Variants in NRXN1 observed in about 807,000 individuals in gnomAD.
The protein encoded by NRXN1 is neurexin 1.
In NRXN1, 39 loss-of-function variants were observed where a neutral mutation model predicts 150.9. The ratio of observed to expected loss-of-function variants is 0.26; its 90% CI spans 0.20 to 0.34. The LOEUF is 0.34. NRXN1 is among the 10% of genes least tolerant of loss of function. The pLI is 1.00. For missense variants in NRXN1, 1,815 were observed against 1,949.9 expected (o/e 0.93, Z 1.30); for synonymous variants, 924 against 757.0 (o/e 1.22, Z -3.62).
intron 18 of NRXN1, among the ~76,000 whole-genome samples, chr2:50,182,867 G>T (rs2060824785): frequency 6.6e-6 from 1 of 152,022 alleles, no homozygotes; most frequent in East Asian, 1.9e-4. Flanking sequence ...ATTCATTGTG[G>T]AGAAAAAGTT....
At chr2:50,337,379 C>T (rs2077264919) in intron 17 of NRXN1, among the ~76,000 whole-genome samples, 1 of 152,106 alleles carries the variant, frequency 6.6e-6, no homozygotes, top group Non-Finnish European at 1.5e-5. Context: ...GCCACCGCAC[C>T]TGGCCAAAAG....
intron 17 of NRXN1, among the ~76,000 whole-genome samples, chr2:50,290,020 T>C (rs544873758): frequency 6.6e-6 from 1 of 152,266 alleles, no homozygotes; most frequent in South Asian, 2.1e-4. Context: ...TAGAATCCAA[T>C]TAAGCAAGAC....
chr2:50,478,638 T>C (rs977121841), intron 15 of NRXN1, among the ~76,000 whole-genome samples: 3 of 152,240 alleles, frequency 2.0e-5, no homozygotes, highest in East Asian at 1.9e-4. Context: ...TTTTTGCTTC[T>C]GTAGGAAATA....
chr2:50,803,764 TAAAC>T (rs1218497857), intron 5 of NRXN1, among the ~76,000 whole-genome samples: 1 of 152,208 alleles, frequency 6.6e-6, no homozygotes, highest in Non-Finnish European at 1.5e-5. Flanking sequence ...TTCAAGATCA[TAAAC>T]AAAATGTTGG....
chr2:50,055,784 T>C (rs963110348), intron 19 of NRXN1, among the ~76,000 whole-genome samples: 10 of 152,168 alleles, frequency 6.6e-5, no homozygotes, highest in African/African-American at 1.2e-4. Context: ...AAAATAATTA[T>C]ATGTATGTTT....
At chr2:50,523,606 A>G (rs116415514) in intron 12 of NRXN1, among the ~76,000 whole-genome samples, 4,572 of 152,274 alleles carry the variant, frequency 0.03, 107 homozygotes, top group Non-Finnish European at 0.051. Context: ...ATTTTTATCT[A>G]CATAAAAATT....
chr2:50,259,653 T>G (rs2068052689), intron 17 of NRXN1, among the ~76,000 whole-genome samples: 1 of 151,884 alleles, frequency 6.6e-6, no homozygotes, highest in South Asian at 2.1e-4. Context: ...ATTCTCCAAA[T>G]GTAATATTTA....
chr2:50,500,325 C>A (rs934594209), intron 13 of NRXN1, among the ~76,000 whole-genome samples: 2 of 151,720 alleles, frequency 1.3e-5, no homozygotes, highest in African/African-American at 4.8e-5. Flanking sequence ...AGCATTGAAG[C>A]AACTATGGCC....
intron 8 of NRXN1, chr2:50,615,443 C>G (rs948788863): frequency 1.3e-5 from 2 of 152,128 alleles, no homozygotes; most frequent in African/African-American, 4.8e-5. Context: ...AATGTTCACT[C>G]TGCAGGAGGG....
At chr2:50,380,737 A>C (rs12474009) in intron 17 of NRXN1, among the ~76,000 whole-genome samples, 36,822 of 151,992 alleles carry the variant, frequency 0.24, 4,896 homozygotes, top group East Asian at 0.37. Flanking sequence ...TTAATAATAA[A>C]AGCCACCCGT....
chr2:50,602,648 T>C (rs1330660313), intron 8 of NRXN1, among the ~76,000 whole-genome samples: 1 of 152,166 alleles, frequency 6.6e-6, no homozygotes, highest in African/African-American at 2.4e-5. Flanking sequence ...CTTCCCTTCC[T>C]TTCTTTTAAA....
At chr2:50,026,528 A>G (rs547137968) in intron 21 of NRXN1, among the ~76,000 whole-genome samples, 6 of 152,192 alleles carry the variant, frequency 3.9e-5, no homozygotes, top group Non-Finnish European at 8.8e-5. Context: ...CATCAATTAC[A>G]AAACATAAAG....
At chr2:50,905,247 G>T (rs1477077840) in intron 5 of NRXN1, among the ~76,000 whole-genome samples, 2 of 151,992 alleles carry the variant, frequency 1.3e-5, no homozygotes, top group Admixed American at 1.3e-4. Flanking sequence ...TTTAAAGTGG[G>T]ACTCTGATAA....
At chr2:50,987,791 T>C (rs1033041183) in intron 2 of NRXN1, among the ~76,000 whole-genome samples, 9 of 151,928 alleles carry the variant, frequency 5.9e-5, no homozygotes. Flanking sequence ...GATTAATGGA[T>C]AGCTAAGTAG....
At chr2:50,822,281 T>G (rs1350713595) in intron 5 of NRXN1, among the ~76,000 whole-genome samples, 3 of 152,140 alleles carry the variant, frequency 2.0e-5, no homozygotes, top group African/African-American at 7.2e-5. Flanking sequence ...TCTCTCAGTA[T>G]CTAAAACAAT....
chr2:50,302,203 T>C (rs2074217847), intron 17 of NRXN1, among the ~76,000 whole-genome samples: 1 of 152,188 alleles, frequency 6.6e-6, no homozygotes, highest in Non-Finnish European at 1.5e-5. Flanking sequence ...TGAGATTTTT[T>C]TCTTCTTTCC....
intron 20 of NRXN1, 110 bp from the exon 21 acceptor site, chr2:50,053,700 TAA>T (rs1693143178): frequency 2.8e-6 from 3 of 1,089,848 alleles, no homozygotes; most frequent in Non-Finnish European, 1.4e-6. Flanking sequence ...CAATAAACTA[TAA>T]GAGAGGCATT....
At chr2:50,327,632 T>G (rs748789104) in intron 17 of NRXN1, among the ~76,000 whole-genome samples, 10 of 150,568 alleles carry the variant, frequency 6.6e-5, no homozygotes, top group Non-Finnish European at 1.3e-4. Flanking sequence ...CTTCCCTCCC[T>G]TCCTTCCTTT....
intron 17 of NRXN1, among the ~76,000 whole-genome samples, chr2:50,447,739 A>ATT (rs2086568811): frequency 1.2e-4 from 2 of 16,546 alleles, no homozygotes; most frequent in African/African-American, 7.4e-4. Context: ...GGGGAACGTT[A>ATT]TATATATATA....
Sources: gnomAD v4.1 joint callset for allele counts (sites outside exome capture counted in the v4.1 genomes callset) on GRCh38, gnomAD v4.1.1 for gene constraint, MANE v1.5 for transcripts, NCBI Gene and HGNC (gene_info 2026-07-23, HGNC 2026-07-21) for gene names.